MCF2L: variants seen among roughly 807,000 people sequenced by gnomAD.
MCF2L encodes the protein guanine nucleotide exchange factor DBS.
In MCF2L, 97 loss-of-function variants were observed where a neutral mutation model predicts 153.4. The ratio of observed to expected loss-of-function variants is 0.63; its 90% CI spans 0.54 to 0.75. MCF2L has a LOEUF of 0.75. MCF2L is among the 30% of genes least tolerant of loss of function. The probability of loss-of-function intolerance (pLI) is 0.00; values close to 1 mark genes in which losing one functional copy is unlikely to be tolerated. For synonymous variants in MCF2L, 659 were observed against 632.2 expected (o/e 1.04, Z -0.64); for missense variants, 1,347 against 1,495.2 (o/e 0.90, Z 1.64).
intron 3 of MCF2L, among the ~76,000 whole-genome samples, chr13:113,025,152 CGGTCCCCGTG>C (rs2085160810): frequency 7.1e-5 from 4 of 56,142 alleles, no homozygotes; most frequent in African/African-American, 2.9e-4. Context: ...CCCCATCATG[CGGTCCCCGTG>C]ACTGTGGGTC....
intron 2 of MCF2L, among the ~76,000 whole-genome samples, chr13:112,929,112 G>C (rs570577277): frequency 6.6e-6 from 1 of 152,304 alleles, no homozygotes; most frequent in African/African-American, 2.4e-5. Context: ...AGTGGCACTC[G>C]GTGTTTCCAC....
At chr13:113,080,475 C>T (rs1301906122) in intron 15 of MCF2L, among the ~76,000 whole-genome samples, 1 of 152,236 alleles carries the variant, frequency 6.6e-6, no homozygotes. Flanking sequence ...GGGCCGACAG[C>T]TGTCTTAGAA....
At chr13:112,897,037 C>T (rs1247518215) in intron 1 of MCF2L, among the ~76,000 whole-genome samples, 1 of 152,138 alleles carries the variant, frequency 6.6e-6, no homozygotes, top group Non-Finnish European at 1.5e-5. Context: ...AGCACAGGGC[C>T]CCAGCTCGGA....
At chr13:113,024,557 G>A (rs1019577804) in intron 2 of MCF2L, 87 bp from the exon 3 acceptor site, 1 of 751,842 alleles carries the variant, frequency 1.3e-6, no homozygotes, top group African/African-American at 1.7e-5. Flanking sequence ...CTGAAATACT[G>A]GGTGCTGATG....
chr13:112,962,276 G>T (rs2081840424), intron 2 of MCF2L, among the ~76,000 whole-genome samples: 4 of 151,880 alleles, frequency 2.6e-5, no homozygotes, highest in Admixed American at 2.6e-4. Flanking sequence ...TGTAGGCACA[G>T]ATGCTCACAC....
intron 2 of MCF2L, among the ~76,000 whole-genome samples, chr13:113,023,319 AGGACTCG>A (rs2085017418): frequency 6.6e-6 from 1 of 152,224 alleles, no homozygotes; most frequent in African/African-American, 2.4e-5. Context: ...GGTGCCGACA[AGGACTCG>A]GGAGGAGGCC....
chr13:113,038,547 G>C (rs1340165465), intron 3 of MCF2L, among the ~76,000 whole-genome samples: 1 of 151,596 alleles, frequency 6.6e-6, no homozygotes. Flanking sequence ...AAGACAATTA[G>C]TATTATAACA....
In MCF2L at chr13:113,083,989, T is replaced by C. The variant is rs1218583211; in HGVS notation, c.1992-9T>C. ...TCTTTCATACTACTTAAAAACCTTCTTTGTCTAGGATATTCCTCAGGGAGC... is the reference window on the plus strand; with the variant it reads ...TCTTTCATACTACTTAAAAACCTTCCTTGTCTAGGATATTCCTCAGGGAGC... On this transcript the variant is annotated splice_polypyrimidine_tract_variant and intron_variant, in intron 17 of 29. Coordinates refer to ENST00000535094, the MANE Select transcript of MCF2L (RefSeq NM_001112732.3). The C allele has an allele frequency of 2.5e-6, 4 of 1,611,544 alleles. No homozygotes were observed. The African/African-American group carries it at 5.3e-5, about 22-fold the overall frequency.
At chr13:113,087,040 A>G (rs1330032309) in intron 21 of MCF2L, among the ~76,000 whole-genome samples, 195 bp from the exon 22 acceptor site, 1 of 152,150 alleles carries the variant, frequency 6.6e-6, no homozygotes, top group Non-Finnish European at 1.5e-5. Flanking sequence ...GTGCCCCGCC[A>G]GTCCATCCCT....
intron 2 of MCF2L, among the ~76,000 whole-genome samples, chr13:112,912,430 C>T (rs1195525315): frequency 6.6e-6 from 1 of 152,076 alleles, no homozygotes; most frequent in Non-Finnish European, 1.5e-5. Context: ...AATTCTCCTG[C>T]CTCAGCCTCT....
At chr13:113,055,538 G>A (rs2087705847) in intron 4 of MCF2L, among the ~76,000 whole-genome samples, 1 of 151,998 alleles carries the variant, frequency 6.6e-6, no homozygotes, top group Non-Finnish European at 1.5e-5. Flanking sequence ...GTGATTCATC[G>A]CACCATCAGA....
Position 113,082,506 on chromosome 13 carries a change from T to C in MCF2L, c.1955T>C (p.Phe652Ser). 1 of 1,613,890 alleles carries C rather than the reference T, an allele frequency of 6.2e-7. No homozygotes were observed. The highest frequency in any genetic ancestry group is 1.1e-5 in the South Asian group (1 of 91,072). The change falls in exon 17 of 30, where the codon TTT becomes TCT. Residue 652 changes from phenylalanine (F) to serine (S), a missense_variant. By Grantham distance (155) the Phe-to-Ser change is radical. Coordinates refer to ENST00000535094, the MANE Select transcript of MCF2L (RefSeq NM_001112732.3). ...TGLHNKKDVLFGNMEEIYHFH... is the reference protein window; with the variant it reads ...TGLHNKKDVLSGNMEEIYHFH... ...CTTCACAACAAGAAGGATGTTTTGT[T>C]TGGAAACATGGAGGAAATCTATCAC...
intron 1 of MCF2L, among the ~76,000 whole-genome samples, chr13:112,971,231 G>A (rs992463146): frequency 2.0e-5 from 3 of 152,178 alleles, no homozygotes; most frequent in Non-Finnish European, 4.4e-5. Context: ...TCTCTGGTAG[G>A]GGTGAAGGTC....
chr13:112,899,914 G>A (rs2081104202), intron 1 of MCF2L, among the ~76,000 whole-genome samples: 1 of 152,226 alleles, frequency 6.6e-6, no homozygotes, highest in South Asian at 2.1e-4. Flanking sequence ...TGCTTGCAGG[G>A]TCTTGCCTCA....
intron 1 of MCF2L, among the ~76,000 whole-genome samples, chr13:112,972,774 T>G (rs1027745763): frequency 5.8e-3 from 2 of 346 alleles, no homozygotes; most frequent in African/African-American, 0.019. Context: ...GAGGGAGGGA[T>G]GGATGCATAG....
At chr13:112,902,451 G>T (rs749599100) in intron 2 of MCF2L, 5 of 1,381,940 alleles carry the variant, frequency 3.6e-6, no homozygotes, top group Non-Finnish European at 4.9e-6. Flanking sequence ...TTGCTATTCC[G>T]GTCCTTTTAG....
chr13:112,898,810 C>G (rs546411740), intron 1 of MCF2L, among the ~76,000 whole-genome samples: 22 of 152,224 alleles, frequency 1.4e-4, no homozygotes, highest in Non-Finnish European at 2.5e-4. Flanking sequence ...GGATCCCTCC[C>G]CACCGGTCAG....
At chr13:113,003,402 G>A (rs558149044) in intron 1 of MCF2L, among the ~76,000 whole-genome samples, 1 of 150,798 alleles carries the variant, frequency 6.6e-6, no homozygotes, top group African/African-American at 2.4e-5. Context: ...GGGGTTGGCT[G>A]TGGAGCACCG....
intron 1 of MCF2L, among the ~76,000 whole-genome samples, chr13:113,006,049 G>A (rs1373625260): frequency 6.6e-6 from 1 of 152,116 alleles, no homozygotes; most frequent in Non-Finnish European, 1.5e-5. Flanking sequence ...GGCAACTCCT[G>A]TGCAATGGGA....
Sources: allele counts gnomAD v4.1 joint callset (sites outside exome capture counted in the v4.1 genomes callset), GRCh38; gene constraint gnomAD v4.1.1; transcripts MANE v1.5; gene names NCBI Gene and HGNC (gene_info 2026-07-23, HGNC 2026-07-21).